The following ULK4 variants were observed in gnomAD, a reference collection of about 807,000 sequenced individuals.
ULK4 encodes the protein inactive serine/threonine-protein kinase ULK4.
ULK4 carries 133 observed loss-of-function variants against 160.6 expected under a neutral mutation model. The observed-to-expected ratio is 0.83, with a 90% confidence interval of 0.72 to 0.96. ULK4 has a LOEUF of 0.96. ULK4 is among the 40% of genes least tolerant of loss of function. ULK4 has a pLI of 0.00. For synonymous variants in ULK4, 534 were observed against 539.8 expected, an observed-to-expected ratio of 0.99 and a Z score of 0.15; for missense variants, 1,580 against 1,499.5, an observed-to-expected ratio of 1.05 and a Z score of -0.89.
At chr3:41,923,755 C>A (rs1420701463) in intron 5 of ULK4, among the ~76,000 whole-genome samples, 1 of 152,204 alleles carries the variant, frequency 6.6e-6, no homozygotes, top group African/African-American at 2.4e-5. Flanking sequence ...GACCGTGGAA[C>A]CTGAACCCTA....
chr3:41,552,191 G>C lies in ULK4; in HGVS notation c.3226+13834C>G, dbSNP rs114806356. On this transcript the variant is annotated intron_variant, in intron 32 of 36. Coordinates refer to ENST00000301831, the MANE Select transcript of ULK4 (RefSeq NM_017886.4). ...GGAAAACTGAAAGCCTTTCCTCTAAGAACTGGAACAAGATAAGGATGCCCA... is the reference window on the plus strand; with the variant it reads ...GGAAAACTGAAAGCCTTTCCTCTAACAACTGGAACAAGATAAGGATGCCCA... Among the ~76,000 whole-genome samples, 404 of 152,014 alleles carry C rather than the reference G, an allele frequency of 2.7e-3. 1 individual carries two copies. The highest frequency in any genetic ancestry group is 8.8e-3 in the African/African-American group (367 of 41,512).
chr3:41,557,611 A>G (rs948129928), intron 32 of ULK4, among the ~76,000 whole-genome samples: 10 of 150,768 alleles, frequency 6.6e-5, no homozygotes, highest in African/African-American at 2.4e-4. Context: ...ACCAAAAAAA[A>G]AAAAATTAGC....
chr3:41,801,019 G>A (rs574518298), intron 19 of ULK4, among the ~76,000 whole-genome samples: 55 of 152,124 alleles, frequency 3.6e-4, no homozygotes, highest in Non-Finnish European at 7.4e-4. Flanking sequence ...CAAAAAATAT[G>A]ATTCATAATT....
Position 41,489,525 on chromosome 3 carries a change from C to A in ULK4, c.3227-26272G>T, listed in dbSNP as rs946267788. Among the ~76,000 whole-genome samples, 12 of 152,296 alleles carry A rather than the reference C, an allele frequency of 7.9e-5. No individual in the cohort carries two copies. The East Asian group carries it at 2.3e-3, about 29-fold the overall frequency. ...CAAATCCTACTAACAGTGCAATGAACCAAGGTGCAACACCATCCCCCTTCC... is the reference window on the plus strand; with the variant it reads ...CAAATCCTACTAACAGTGCAATGAAACAAGGTGCAACACCATCCCCCTTCC... On this transcript the variant is annotated intron_variant, in intron 32 of 36. Coordinates refer to ENST00000301831, the MANE Select transcript of ULK4 (RefSeq NM_017886.4).
At chr3:41,775,681 G>C (rs926226382) in intron 21 of ULK4, among the ~76,000 whole-genome samples, 2 of 150,622 alleles carry the variant, frequency 1.3e-5, no homozygotes, top group Non-Finnish European at 2.9e-5. Flanking sequence ...TTACAGGCAT[G>C]AGCCACCGCG....
At chr3:41,940,065 T>A (rs992759743) in intron 2 of ULK4, among the ~76,000 whole-genome samples, 1 of 151,976 alleles carries the variant, frequency 6.6e-6, no homozygotes, top group African/African-American at 2.4e-5. Context: ...TTGACACTTC[T>A]AGTCTTAAAG....
chr3:41,535,024 T>C (rs1476244842), intron 32 of ULK4, among the ~76,000 whole-genome samples: 10 of 152,184 alleles, frequency 6.6e-5, no homozygotes, highest in African/African-American at 2.4e-4. Flanking sequence ...GTAAGTTAAT[T>C]GGTTAAGTCA....
At chr3:41,596,280 T>C (rs879467009) in intron 31 of ULK4, among the ~76,000 whole-genome samples, 17 of 152,330 alleles carry the variant, frequency 1.1e-4, no homozygotes, top group Middle Eastern at 3.4e-3. Flanking sequence ...AGCTGAGATA[T>C]AGTCAGGTCA....
At chr3:41,414,750 G>A (rs914605285) in intron 34 of ULK4, among the ~76,000 whole-genome samples, 1 of 152,140 alleles carries the variant, frequency 6.6e-6, no homozygotes, top group African/African-American at 2.4e-5. Flanking sequence ...AGAGGCAGCA[G>A]AAAATATCAT....
intron 31 of ULK4, among the ~76,000 whole-genome samples, chr3:41,573,293 A>G (rs2088067216): frequency 6.6e-6 from 1 of 152,162 alleles, no homozygotes; most frequent in African/African-American, 2.4e-5. Flanking sequence ...CTTAAAGAGG[A>G]CAGCTTTGAA....
At chr3:41,487,131 T>C (rs1419302439) in intron 32 of ULK4, among the ~76,000 whole-genome samples, 2 of 152,062 alleles carry the variant, frequency 1.3e-5, no homozygotes, top group African/African-American at 4.8e-5. Context: ...ACTTAAGCTA[T>C]TTCTTAGGAA....
intron 27 of ULK4, among the ~76,000 whole-genome samples, chr3:41,687,185 C>T (rs544943889): frequency 6.6e-6 from 1 of 152,112 alleles, no homozygotes; most frequent in East Asian, 1.9e-4. Flanking sequence ...CCATCCTGGC[C>T]AACATGGTGA....
chr3:41,623,073 C>T (rs907048659), intron 30 of ULK4, among the ~76,000 whole-genome samples: 1 of 152,154 alleles, frequency 6.6e-6, no homozygotes, highest in South Asian at 2.1e-4. Context: ...AATCATATTC[C>T]TTTCTACTAT....
At chr3:41,633,931 A>G (rs1321717501) in intron 30 of ULK4, among the ~76,000 whole-genome samples, 1 of 152,120 alleles carries the variant, frequency 6.6e-6, no homozygotes, top group Non-Finnish European at 1.5e-5. Context: ...TTAGTGCTTT[A>G]CCTCTCACTT....
At chr3:41,568,581 T>C (rs1329479179) in intron 31 of ULK4, among the ~76,000 whole-genome samples, 1 of 152,212 alleles carries the variant, frequency 6.6e-6, no homozygotes, top group Non-Finnish European at 1.5e-5. Flanking sequence ...CTGGCAGAAC[T>C]CACTCATACA....
chr3:41,575,905 C>T (rs1260333319), intron 31 of ULK4, among the ~76,000 whole-genome samples: 2 of 152,164 alleles, frequency 1.3e-5, no homozygotes, highest in South Asian at 2.1e-4. Context: ...CCCTATGCCT[C>T]GAGGCAGAAG....
At chr3:41,861,883 A>G (rs778285327) in intron 17 of ULK4, among the ~76,000 whole-genome samples, 8 of 151,900 alleles carry the variant, frequency 5.3e-5, no homozygotes, top group African/African-American at 9.7e-5. Context: ...GTGCAGTGGC[A>G]TGATCTCCGC....
chr3:41,794,663 A>AAAAAAAAAAC (rs2040245495), intron 20 of ULK4, among the ~76,000 whole-genome samples: 1 of 93,006 alleles, frequency 1.1e-5, no homozygotes, highest in Non-Finnish European at 2.1e-5. Flanking sequence ...TCTGTCTCAA[A>AAAAAAAAAAC]AAAAAAAAAA....
At chr3:41,303,553 T>C (rs890178451) in intron 35 of ULK4, among the ~76,000 whole-genome samples, 1 of 152,220 alleles carries the variant, frequency 6.6e-6, no homozygotes, top group African/African-American at 2.4e-5. Context: ...ATGGGTAAAA[T>C]ACAATCAACT....
Sources: gnomAD v4.1 joint callset for allele counts (sites outside exome capture counted in the v4.1 genomes callset) on GRCh38, gnomAD v4.1.1 for gene constraint, MANE v1.5 for transcripts, NCBI Gene and HGNC (gene_info 2026-07-23, HGNC 2026-07-21) for gene names.